The following NBAS variants were observed in gnomAD, a reference collection of about 807,000 sequenced individuals.
The protein encoded by NBAS is NAG/BC035112 fusion.
In NBAS, 219 loss-of-function variants were observed where a neutral mutation model predicts 302.5. The observed-to-expected ratio is 0.72, with a 90% CI of 0.65 to 0.81. The LOEUF (loss-of-function observed/expected upper bound fraction) is 0.81, where lower values mean the gene tolerates loss of function less well. Among genes scored for constraint, NBAS ranks in the 30% least tolerant of loss-of-function variants. The probability of loss-of-function intolerance (pLI) is 0.00; values close to 1 mark genes in which losing one functional copy is unlikely to be tolerated. For synonymous variants in NBAS, 1,118 were observed against 1,021.6 expected, an observed-to-expected ratio of 1.09 and a Z score of -1.80; for missense variants, 2,932 against 2,841.6, an observed-to-expected ratio of 1.03 and a Z score of -0.72.
At chr2:15,405,819 A>C (rs1005416194) in intron 25 of NBAS, among the ~76,000 whole-genome samples, 1 of 152,180 alleles carries the variant, frequency 6.6e-6, no homozygotes, top group Non-Finnish European at 1.5e-5. Flanking sequence ...TAGATAGTAT[A>C]AACAGAGAAA....
chr2:14,966,410 T>C, the NBAS span, among the ~76,000 whole-genome samples: 3 of 152,328 alleles, frequency 2.0e-5, no homozygotes, highest in East Asian at 5.8e-4. Context: ...CTTCAGTATA[T>C]GCAGAGGATT....
chr2:15,114,556 T>C, the NBAS span, among the ~76,000 whole-genome samples: 2 of 152,188 alleles, frequency 1.3e-5, no homozygotes, highest in African/African-American at 4.8e-5. Context: ...AACAGGAGCC[T>C]GTGGATTATA....
At chr2:15,092,619 C>T in the NBAS span, among the ~76,000 whole-genome samples, 2 of 152,138 alleles carry the variant, frequency 1.3e-5, no homozygotes, top group Non-Finnish European at 2.9e-5. Flanking sequence ...TTCCCTAGTT[C>T]TGCAGTAACA....
the NBAS span, among the ~76,000 whole-genome samples, chr2:15,072,107 A>G: frequency 2.1e-4 from 32 of 152,276 alleles, no homozygotes; most frequent in African/African-American, 6.3e-4. Flanking sequence ...CTCTGGAGAT[A>G]TTTTCTCATT....
the NBAS span, among the ~76,000 whole-genome samples, chr2:15,082,109 G>T: frequency 2.0e-4 from 31 of 152,094 alleles, no homozygotes; most frequent in Non-Finnish European, 3.5e-4. Context: ...CTATTAATAA[G>T]ATAAGGATGG....
chr2:14,819,278 C>T, the NBAS span, among the ~76,000 whole-genome samples: 1 of 152,196 alleles, frequency 6.6e-6, no homozygotes, highest in Non-Finnish European at 1.5e-5. Context: ...ATTGTTTTCT[C>T]TCTGCAAATC....
chr2:15,316,994 C>A (rs1281412810), intron 38 of NBAS, among the ~76,000 whole-genome samples: 2 of 152,164 alleles, frequency 1.3e-5, no homozygotes, highest in African/African-American at 4.8e-5. Flanking sequence ...ACACTTCATA[C>A]AGGGGGTGCC....
intron 22 of NBAS, among the ~76,000 whole-genome samples, chr2:15,426,080 T>C (rs1572831450): frequency 6.6e-6 from 1 of 152,326 alleles, no homozygotes; most frequent in East Asian, 1.9e-4. Context: ...CCATAGACAT[T>C]ACAACAGCAA....
the NBAS span, among the ~76,000 whole-genome samples, chr2:15,076,770 A>AG: frequency 0.3 from 45,552 of 152,066 alleles, 7,318 homozygotes; most frequent in African/African-American, 0.42. Context: ...CTGTGCAGGC[A>AG]CTGTCTGTCT....
At chr2:15,261,890 A>G (rs1668869472) in intron 44 of NBAS, among the ~76,000 whole-genome samples, 1 of 152,206 alleles carries the variant, frequency 6.6e-6, no homozygotes, top group African/African-American at 2.4e-5. Flanking sequence ...TGTTATTATT[A>G]ATATCATTGA....
At chr2:14,818,796 G>C in the NBAS span, among the ~76,000 whole-genome samples, 1 of 152,206 alleles carries the variant, frequency 6.6e-6, no homozygotes. Flanking sequence ...ATGACACCAG[G>C]AAGGAGCCAT....
rs1277030259 is a variant in NBAS at position 15,327,786 on chromosome 2, C to T, written c.4546G>A (p.Ala1516Thr). The T allele has an allele frequency of 3.1e-6, 5 of 1,613,588 alleles. No homozygotes were observed. In the South Asian group the frequency reaches 3.3e-5, roughly 11 times the overall value. The change falls in exon 38 of 52, where the codon GCT becomes ACT. Residue 1516 changes from alanine to threonine, a missense_variant. Ala to Thr is a moderately conservative substitution (Grantham distance 58, BLOSUM62 0). Transcript: ENST00000281513. The part of the protein sequence containing the change: ...VLLRTGKLAE[A>T]KNKGEVFPTT... ...GGAAATACTTCTCCTTTATTTTTAG[C>T]CTCTGCCAATTTTCCAGTTCTCAGC...
At chr2:15,511,090 ACT>A in intron 10 of NBAS, 120 bp downstream of exon 10, 1 of 1,199,874 alleles carries the variant, frequency 8.3e-7, no homozygotes, top group Non-Finnish European at 1.2e-6. Flanking sequence ...GCATTAATTC[ACT>A]GTCCTCATTC....
the NBAS span, among the ~76,000 whole-genome samples, chr2:14,988,525 C>T: frequency 6.6e-6 from 1 of 152,182 alleles, no homozygotes; most frequent in Non-Finnish European, 1.5e-5. Context: ...CTCCCTCCCT[C>T]ATGAGGGAAG....
the NBAS span, among the ~76,000 whole-genome samples, chr2:14,896,859 T>C: frequency 6.6e-6 from 1 of 152,224 alleles, no homozygotes; most frequent in Non-Finnish European, 1.5e-5. Context: ...AGCATTTTAA[T>C]GTAAATATTC....
the NBAS span, among the ~76,000 whole-genome samples, chr2:15,103,699 C>T: frequency 2.6e-5 from 4 of 152,084 alleles, no homozygotes; most frequent in African/African-American, 7.2e-5. Context: ...GGCAGTTTTG[C>T]GCCTAAGAGT....
At position 15,424,476 on chromosome 2, in the gene NBAS, G is replaced by C. The variant is rs1478659309; in HGVS notation, c.2424-8C>G. 6.2e-7 allele frequency: 1 copy of C among 1,613,932 alleles called. No individual in the cohort carries two copies. Among genetic ancestry groups the C allele is most frequent in the South Asian group, 1.1e-5 (1 of 91,086 alleles). ...TTCGGCTCAACAACCATTCTGTGAA[G>C]CACAAAAGGACCAATTAATAACTGA... On this transcript the variant is annotated splice_polypyrimidine_tract_variant and splice_region_variant and intron_variant, in intron 22 of 51. Transcript: ENST00000281513.
intron 12 of NBAS, among the ~76,000 whole-genome samples, chr2:15,480,900 G>A (rs1237594509): frequency 6.6e-6 from 1 of 152,102 alleles, no homozygotes; most frequent in Non-Finnish European, 1.5e-5. Flanking sequence ...ACCATGTTGT[G>A]TGACCATCAC....
the NBAS span, among the ~76,000 whole-genome samples, chr2:15,000,146 C>T: frequency 6.6e-5 from 10 of 152,102 alleles, no homozygotes; most frequent in Admixed American, 2.0e-4. Flanking sequence ...TACATGTGGG[C>T]GGTGAGATTG....
Sources: gnomAD v4.1 joint callset for allele counts (sites outside exome capture counted in the v4.1 genomes callset) on GRCh38, gnomAD v4.1.1 for gene constraint, MANE v1.5 for transcripts, NCBI Gene and HGNC (gene_info 2026-07-23, HGNC 2026-07-21) for gene names.